The following PIKFYVE variants were observed in gnomAD, a reference collection of about 807,000 sequenced individuals.
PIKFYVE encodes phosphoinositide kinase, FYVE-type zinc finger containing, also known as 1-phosphatidylinositol 3-phosphate 5-kinase.
A neutral mutation model predicts 257.9 loss-of-function variants in PIKFYVE; 122 were observed. The observed-to-expected ratio is 0.47, with a 90% CI of 0.41 to 0.55. The LOEUF (loss-of-function observed/expected upper bound fraction) is 0.55, where lower values mean the gene tolerates loss of function less well. Ranked by LOEUF, PIKFYVE falls within the 20% of genes least tolerant of loss-of-function variation. The probability of loss-of-function intolerance (pLI) is 0.00; values close to 1 mark genes in which losing one functional copy is unlikely to be tolerated. For missense variants in PIKFYVE, 2,160 were observed against 2,536.6 expected, an observed-to-expected ratio of 0.85 and a Z score of 3.19; for synonymous variants, 892 against 868.9, an observed-to-expected ratio of 1.03 and a Z score of -0.47.
chr2:208,348,171 A>G (rs1212537062), intron 35 of PIKFYVE, 148 bp downstream of exon 35: 4 of 1,034,280 alleles, frequency 3.9e-6, no homozygotes, highest in Non-Finnish European at 5.8e-6. Flanking sequence ...GGTAGAGTGG[A>G]AAAAGCATGG....
At chr2:208,316,313 G>A (rs1695512640) in intron 15 of PIKFYVE, among the ~76,000 whole-genome samples, 1 of 152,044 alleles carries the variant, frequency 6.6e-6, no homozygotes, top group South Asian at 2.1e-4. Flanking sequence ...CTTTGCTATT[G>A]TGAATAGTGC....
chr2:208,348,094 A>G lies in PIKFYVE; in HGVS notation c.5374+71A>G, dbSNP rs932485921. 19 of 1,536,080 alleles carry G rather than the reference A, an allele frequency of 1.2e-5. No individual in the cohort carries two copies. In the African/African-American group the frequency reaches 2.6e-4, roughly 21 times the overall value. ...TTTATTTTAGTTGCATATATTTCTT[A>G]TAGCCTTAAATAGATAATTCTTAGT... On this transcript the variant is annotated intron_variant, in intron 35 of 41. Transcript: ENST00000264380.
At chr2:208,337,876 C>G (rs867987348) in intron 28 of PIKFYVE, among the ~76,000 whole-genome samples, 1 of 152,150 alleles carries the variant, frequency 6.6e-6, no homozygotes, top group African/African-American at 2.4e-5. Flanking sequence ...CGTGTGCCAC[C>G]ACACCCAGGT....
intron 10 of PIKFYVE, among the ~76,000 whole-genome samples, chr2:208,303,932 A>G (rs1466510804): frequency 6.6e-6 from 1 of 152,234 alleles, no homozygotes; most frequent in African/African-American, 2.4e-5. Flanking sequence ...GTATCAAAAA[A>G]ATGTTTTGTT....
intron 37 of PIKFYVE, 27 bp downstream of exon 37, chr2:208,350,974 T>C: frequency 6.2e-7 from 1 of 1,613,638 alleles, no homozygotes; most frequent in Non-Finnish European, 8.5e-7. Context: ...GTTTATTGAT[T>C]GGTTCAGTAG....
chr2:208,320,146 T>C (rs1696041320), intron 16 of PIKFYVE, 106 bp from the exon 17 acceptor site: 1 of 1,419,142 alleles, frequency 7.0e-7, no homozygotes, highest in Admixed American at 2.5e-5. Context: ...ATGAGATACA[T>C]TAAGTTAGTA....
intron 12 of PIKFYVE, among the ~76,000 whole-genome samples, chr2:208,308,420 T>A (rs1346922037): frequency 2.0e-5 from 3 of 151,016 alleles, no homozygotes; most frequent in Non-Finnish European, 4.4e-5. Context: ...AGAAAAAAAA[T>A]TCCATATTAT....
Position 208,314,411 on chromosome 2 carries a change from T to TGG in PIKFYVE, c.1815_1816dup (p.Glu606GlyfsTer12), listed in dbSNP as rs1695249629. 6.2e-7 allele frequency: 1 copy of TGG among 1,613,858 alleles called. No homozygotes were observed. Among genetic ancestry groups the TGG allele is most frequent in the African/African-American group, 1.3e-5 (1 of 75,018 alleles). ...GAGGAGAATGGGGAGAAACAAGCCA[T>TGG]GGAGAGGTTGCTGTAAGGCAATGAA... is the stretch of plus-strand genomic sequence containing the variant. On this transcript the variant is annotated frameshift_variant, in exon 14 of 42. Transcript: ENST00000264380. LOFTEE classifies it high-confidence loss of function.
chr2:208,302,491 CT>C (rs1162322724), intron 10 of PIKFYVE, 138 bp downstream of exon 10: 3 of 797,002 alleles, frequency 3.8e-6, no homozygotes, highest in African/African-American at 1.7e-5. Flanking sequence ...AAAGTTAAAA[CT>C]TTTTTTACTT....
intron 1 of PIKFYVE, among the ~76,000 whole-genome samples, chr2:208,267,907 G>A (rs1481019784): frequency 6.6e-6 from 1 of 152,194 alleles, no homozygotes; most frequent in Non-Finnish European, 1.5e-5. Flanking sequence ...GCCTCCCAAA[G>A]TGCTGGGATC....
intron 17 of PIKFYVE, among the ~76,000 whole-genome samples, chr2:208,323,816 A>G (rs1417876721): frequency 6.6e-6 from 1 of 152,142 alleles, no homozygotes; most frequent in African/African-American, 2.4e-5. Flanking sequence ...CTGGTGTGAG[A>G]TGGTATCTCA....
intron 23 of PIKFYVE, among the ~76,000 whole-genome samples, chr2:208,332,554 G>A (rs1011288923): frequency 6.6e-6 from 1 of 152,134 alleles, no homozygotes; most frequent in Non-Finnish European, 1.5e-5. Context: ...GGAAAAACTT[G>A]TAATGTCTTA....
chr2:208,318,960 A>AC (rs1393993107), intron 16 of PIKFYVE, among the ~76,000 whole-genome samples: 3 of 151,718 alleles, frequency 2.0e-5, no homozygotes, highest in Non-Finnish European at 4.4e-5. Flanking sequence ...CAAAAAAAAA[A>AC]AAAAAAAAAA....
chr2:208,273,913 T>C (rs2125021521), intron 3 of PIKFYVE, 180 bp downstream of exon 3: 2 of 1,416,992 alleles, frequency 1.4e-6, no homozygotes, highest in East Asian at 2.4e-5. Context: ...AGTGAAAGAA[T>C]TTATTGACAC....
chr2:208,289,032 A>C (rs1028308376), intron 7 of PIKFYVE, among the ~76,000 whole-genome samples: 1 of 152,106 alleles, frequency 6.6e-6, no homozygotes. Flanking sequence ...CGGGTTTGGA[A>C]CCTACACCAT....
At chr2:208,286,166 A>G (rs1310591586) in intron 6 of PIKFYVE, among the ~76,000 whole-genome samples, 4 of 152,150 alleles carry the variant, frequency 2.6e-5, no homozygotes, top group Admixed American at 6.5e-5. Context: ...CTTTCTTGTC[A>G]CTGTTCTACC....
chr2:208,351,256 T>C lies in PIKFYVE; in HGVS notation c.5612-96T>C. ...CATTAGAAAATTCCCCTTAAAATCA[T>C]AAAACAACCTAATCATTTAGGATCT... On this transcript the variant is annotated intron_variant, in intron 37 of 41. Transcript: ENST00000264380. The C allele has an allele frequency of 2.7e-6, 3 of 1,098,430 alleles. No individual in the cohort carries two copies. The Admixed American group carries it at 5.5e-5, about 20-fold the overall frequency. The allele number at this position is 1,098,430 out of a possible 1,614,324, so 68.0% of individuals were successfully genotyped here. A position where few individuals can be genotyped will look rare whatever the true frequency, so the allele number is the denominator to read the frequency against.
chr2:208,313,007 C>T (rs373456417), intron 13 of PIKFYVE, among the ~76,000 whole-genome samples: 13 of 152,194 alleles, frequency 8.5e-5, no homozygotes, highest in South Asian at 2.1e-4. Flanking sequence ...GCATCTGGTT[C>T]GGCTAGAAGT....
chr2:208,345,398 T>A (rs1699136298), intron 33 of PIKFYVE, among the ~76,000 whole-genome samples: 1 of 152,148 alleles, frequency 6.6e-6, no homozygotes, highest in Non-Finnish European at 1.5e-5. Flanking sequence ...TGCAGTTTTA[T>A]GATAATTGCA....
Sources: gnomAD v4.1 joint callset for allele counts (sites outside exome capture counted in the v4.1 genomes callset) on GRCh38, gnomAD v4.1.1 for gene constraint, MANE v1.5 for transcripts, NCBI Gene and HGNC (gene_info 2026-07-23, HGNC 2026-07-21) for gene names.